The following INSL6 variants were observed in gnomAD, a reference collection of about 807,000 sequenced individuals.
INSL6 encodes the protein insulin like 6.
In INSL6, 16 loss-of-function variants were observed where a neutral mutation model predicts 9.4. The observed-to-expected ratio is 1.70, with a 90% CI of 1.15 to 2.59. The LOEUF (loss-of-function observed/expected upper bound fraction) is 2.59, where lower values mean the gene tolerates loss of function less well. INSL6 is among the 30% of genes most tolerant of loss of function. The pLI, the probability that INSL6 is intolerant of heterozygous loss-of-function variation, is 0.00. For missense variants in INSL6, 391 were observed against 257.3 expected (o/e 1.52, Z -3.56); for synonymous variants, 154 against 96.9 (o/e 1.59, Z -3.46).
the INSL6 span, chr9:5,085,737 G>C: frequency 2.7e-6 from 2 of 753,542 alleles, no homozygotes; most frequent in South Asian, 1.4e-5. Flanking sequence ...AATTAAGGCT[G>C]TGGCGCGCTG....
At chr9:5,055,182 CAG>C in the INSL6 span, among the ~76,000 whole-genome samples, 6 of 151,872 alleles carry the variant, frequency 4.0e-5, no homozygotes, top group Non-Finnish European at 7.4e-5. Context: ...CTAGTGATAA[CAG>C]AAGGCATAAT....
At chr9:5,134,232 T>G (rs1482913301) in intron 2 of INSL6, among the ~76,000 whole-genome samples, 1 of 152,088 alleles carries the variant, frequency 6.6e-6, no homozygotes, top group Non-Finnish European at 1.5e-5. Flanking sequence ...ACCTGAAAGT[T>G]GACAGGGAGA....
the INSL6 span, among the ~76,000 whole-genome samples, chr9:5,017,399 T>C: frequency 6.6e-6 from 1 of 152,236 alleles, no homozygotes; most frequent in Non-Finnish European, 1.5e-5. Context: ...TGCTAAGAAC[T>C]TCGTTTAAAT....
the INSL6 span, chr9:5,041,240 C>T: frequency 4.1e-6 from 6 of 1,463,990 alleles, no homozygotes; most frequent in South Asian, 4.6e-5. Flanking sequence ...GACCAAGCGG[C>T]AGCACGCCAT....
the INSL6 span, chr9:5,064,840 G>A: frequency 7.1e-7 from 1 of 1,416,918 alleles, no homozygotes; most frequent in East Asian, 2.5e-5. Context: ...ACATGGAGTT[G>A]ACTTTCTAAA....
the INSL6 span, among the ~76,000 whole-genome samples, chr9:5,074,291 C>G: frequency 7.9e-5 from 12 of 152,028 alleles, no homozygotes; most frequent in Non-Finnish European, 1.3e-4. Flanking sequence ...TACAGGCATG[C>G]CTCATTTTAT....
the INSL6 span, chr9:5,070,084 T>C: frequency 6.6e-7 from 1 of 1,523,702 alleles, no homozygotes; most frequent in Middle Eastern, 1.7e-4. Context: ...ACTGTCTTTT[T>C]TGTCCTTTTA....
At chr9:5,183,556 T>A (rs1825503727) in intron 1 of INSL6, among the ~76,000 whole-genome samples, 1 of 152,206 alleles carries the variant, frequency 6.6e-6, no homozygotes, top group Admixed American at 6.5e-5. Flanking sequence ...AAGAAAACTG[T>A]CTTTAGAGCA....
chr9:5,012,779 G>C, the INSL6 span, among the ~76,000 whole-genome samples: 1 of 152,164 alleles, frequency 6.6e-6, no homozygotes, highest in Non-Finnish European at 1.5e-5. Context: ...AGAGCACATA[G>C]CAAGAGTTGT....
the INSL6 span, chr9:5,069,815 A>G: frequency 1.9e-6 from 1 of 520,558 alleles, no homozygotes; most frequent in Non-Finnish European, 3.1e-6. Context: ...AACAATTAGG[A>G]GTTATTAAGC....
the INSL6 span, among the ~76,000 whole-genome samples, chr9:5,031,371 T>C: frequency 6.6e-6 from 1 of 152,132 alleles, no homozygotes; most frequent in African/African-American, 2.4e-5. Flanking sequence ...AATCATAAAC[T>C]AAATAATGAG....
At chr9:5,166,735 A>G (rs1242273938) in intron 1 of INSL6, among the ~76,000 whole-genome samples, 2 of 152,154 alleles carry the variant, frequency 1.3e-5, no homozygotes, top group African/African-American at 4.8e-5. Flanking sequence ...AAAACAGTAA[A>G]TTCTAATAAT....
chr9:5,087,874 A>G, the INSL6 span, among the ~76,000 whole-genome samples: 33 of 152,256 alleles, frequency 2.2e-4, no homozygotes, highest in African/African-American at 7.7e-4. Context: ...GTATTTAAAA[A>G]TTTTTCTTAG....
the INSL6 span, chr9:5,041,487 G>A: frequency 1.7e-6 from 1 of 592,948 alleles, no homozygotes; most frequent in South Asian, 1.5e-5. Flanking sequence ...ATCATGAGCG[G>A]TACAGAAGAT....
the INSL6 span, chr9:5,078,427 C>T: frequency 2.2e-5 from 36 of 1,612,468 alleles, no homozygotes; most frequent in Non-Finnish European, 3.1e-5. Context: ...ATTAGTATTA[C>T]AGTTTTGCCA....
the INSL6 span, among the ~76,000 whole-genome samples, chr9:5,079,156 G>T: frequency 0.075 from 11,352 of 152,186 alleles, 1,284 homozygotes; most frequent in African/African-American, 0.25. Flanking sequence ...TACAGGAGTA[G>T]GGAGTATGGC....
intron 1 of INSL6, among the ~76,000 whole-genome samples, chr9:5,180,831 C>T (rs1825436082): frequency 6.6e-6 from 1 of 152,138 alleles, no homozygotes; most frequent in Non-Finnish European, 1.5e-5. Flanking sequence ...GCCATTTGTC[C>T]TGTTCCCTCA....
the INSL6 span, among the ~76,000 whole-genome samples, chr9:5,016,521 T>A: frequency 6.6e-6 from 1 of 152,140 alleles, no homozygotes; most frequent in East Asian, 1.9e-4. Context: ...AATTGAAAAA[T>A]GAATTTTTTC....
the INSL6 span, chr9:5,072,622 C>A: frequency 6.3e-7 from 1 of 1,599,034 alleles, no homozygotes; most frequent in South Asian, 1.1e-5. Context: ...AGAAACTATT[C>A]AGAGGTGTGT....
Sources: gnomAD v4.1 joint callset for allele counts (sites outside exome capture counted in the v4.1 genomes callset) on GRCh38, gnomAD v4.1.1 for gene constraint, MANE v1.5 for transcripts, NCBI Gene and HGNC (gene_info 2026-07-23, HGNC 2026-07-21) for gene names.